Variants in DRC8 observed in about 807,000 individuals in gnomAD.
DRC8 encodes the protein dynein regulatory complex subunit 8.
the DRC8 span, among the ~76,000 whole-genome samples, chr1:245,005,418 T>G: frequency 6.6e-6 from 1 of 151,400 alleles, no homozygotes; most frequent in African/African-American, 2.4e-5. Flanking sequence ...TGGTGTGATC[T>G]CGGCTCACTG....
chr1:245,073,387 C>T, the DRC8 span, among the ~76,000 whole-genome samples: 2 of 152,126 alleles, frequency 1.3e-5, no homozygotes, highest in African/African-American at 2.4e-5. Context: ...CTGGCCACCT[C>T]GGCCTCCCAA....
At chr1:245,016,719 T>A in the DRC8 span, among the ~76,000 whole-genome samples, 1 of 152,212 alleles carries the variant, frequency 6.6e-6, no homozygotes, top group East Asian at 1.9e-4. Flanking sequence ...TATATGTAAG[T>A]CATAGTCCAA....
At chr1:245,084,069 C>CCA in the DRC8 span, among the ~76,000 whole-genome samples, 2 of 119,874 alleles carry the variant, frequency 1.7e-5, no homozygotes, top group South Asian at 3.0e-4. Context: ...TCCGCCCCCC[C>CCA]CCCGGCGCCC....
At chr1:244,985,951 T>C in the DRC8 span, among the ~76,000 whole-genome samples, 3 of 152,106 alleles carry the variant, frequency 2.0e-5, no homozygotes, top group Admixed American at 1.3e-4. Context: ...ATTTTTCTTT[T>C]TTCTTTCTTT....
the DRC8 span, among the ~76,000 whole-genome samples, chr1:244,982,170 C>T: frequency 0.012 from 1,865 of 152,256 alleles, 42 homozygotes; most frequent in African/African-American, 0.043. Context: ...AAACACAGCC[C>T]TACTCCTAGC....
chr1:245,034,271 A>G, the DRC8 span, among the ~76,000 whole-genome samples: 1 of 152,198 alleles, frequency 6.6e-6, no homozygotes, highest in Non-Finnish European at 1.5e-5. Flanking sequence ...TTGAAAACTT[A>G]TAAGAAAATA....
the DRC8 span, among the ~76,000 whole-genome samples, chr1:245,064,042 A>T: frequency 2.6e-5 from 4 of 152,018 alleles, no homozygotes; most frequent in African/African-American, 4.8e-5. Context: ...ACTTTTTTTT[A>T]AAAAAAGAGA....
chr1:245,110,603 C>T, the DRC8 span, among the ~76,000 whole-genome samples: 1 of 152,264 alleles, frequency 6.6e-6, no homozygotes, highest in South Asian at 2.1e-4. Flanking sequence ...CAGACAGCGC[C>T]CCGCTGAGGG....
chr1:245,114,463 T>TAAA, the DRC8 span, among the ~76,000 whole-genome samples: 1 of 138,638 alleles, frequency 7.2e-6, no homozygotes, highest in Admixed American at 7.3e-5. Context: ...AGACTCCATC[T>TAAA]AAAAAAAAAA....
chr1:245,065,321 C>T, the DRC8 span, among the ~76,000 whole-genome samples: 4 of 151,736 alleles, frequency 2.6e-5, no homozygotes, highest in Non-Finnish European at 4.4e-5. Flanking sequence ...CCAAAGTGCT[C>T]GGATTATAGG....
At chr1:245,046,528 G>A in the DRC8 span, among the ~76,000 whole-genome samples, 2 of 152,146 alleles carry the variant, frequency 1.3e-5, no homozygotes, top group Admixed American at 6.5e-5. Flanking sequence ...GGGCTCACCT[G>A]GCCCCTTCTG....
chr1:244,986,337 C>T, the DRC8 span, among the ~76,000 whole-genome samples: 1 of 152,036 alleles, frequency 6.6e-6, no homozygotes, highest in Non-Finnish European at 1.5e-5. Context: ...GATGGAACTG[C>T]GAATTTACAA....
At chr1:245,085,162 T>C in the DRC8 span, among the ~76,000 whole-genome samples, 1 of 152,212 alleles carries the variant, frequency 6.6e-6, no homozygotes, top group Non-Finnish European at 1.5e-5. Context: ...TACAATCTTA[T>C]TTGGGAAATA....
the DRC8 span, among the ~76,000 whole-genome samples, chr1:245,093,652 T>A: frequency 6.8e-6 from 1 of 146,458 alleles, no homozygotes; most frequent in Non-Finnish European, 1.5e-5. Flanking sequence ...GCCGAGATGG[T>A]GCCACTGCAC....
chr1:245,104,047 A>G, the DRC8 span, among the ~76,000 whole-genome samples: 1 of 152,190 alleles, frequency 6.6e-6, no homozygotes, highest in Non-Finnish European at 1.5e-5. Context: ...TGGAAATAAG[A>G]AGAGGTGCTC....
chr1:245,054,695 A>G, the DRC8 span, among the ~76,000 whole-genome samples: 1 of 151,990 alleles, frequency 6.6e-6, no homozygotes, highest in Non-Finnish European at 1.5e-5. Context: ...CAGCCAATAC[A>G]TTCTACGTAG....
At chr1:245,083,040 G>A in the DRC8 span, among the ~76,000 whole-genome samples, 1 of 152,020 alleles carries the variant, frequency 6.6e-6, no homozygotes, top group Non-Finnish European at 1.5e-5. Flanking sequence ...TTTATTACGG[G>A]GATCCCCAAC....
At chr1:245,106,231 T>G in the DRC8 span, among the ~76,000 whole-genome samples, 1 of 152,224 alleles carries the variant, frequency 6.6e-6, no homozygotes, top group Non-Finnish European at 1.5e-5. Flanking sequence ...TTCTGGTGAT[T>G]TACAGTGTTT....
the DRC8 span, among the ~76,000 whole-genome samples, chr1:245,012,087 T>G: frequency 2.0e-5 from 3 of 152,180 alleles, no homozygotes; most frequent in Non-Finnish European, 4.4e-5. Flanking sequence ...TTATTAAAAA[T>G]TCATGCCTTG....
Sources: allele counts gnomAD v4.1 joint callset (sites outside exome capture counted in the v4.1 genomes callset), GRCh38; gene constraint gnomAD v4.1.1; transcripts MANE v1.5; gene names NCBI Gene and HGNC (gene_info 2026-07-23, HGNC 2026-07-21).